Variants in SNTG1 observed in about 807,000 individuals in gnomAD.
SNTG1 encodes the protein syntrophin gamma 1, also known as gamma-1-syntrophin.
A neutral mutation model predicts 74.7 loss-of-function variants in SNTG1; 39 were observed. That is an observed-to-expected ratio of 0.52 (90% CI 0.40 to 0.68). SNTG1 has a LOEUF of 0.68. SNTG1 is among the 30% of genes least tolerant of loss of function. The pLI, the probability that SNTG1 is intolerant of heterozygous loss-of-function variation, is 0.00. For synonymous variants in SNTG1, 254 were observed against 217.1 expected, an observed-to-expected ratio of 1.17 and a Z score of -1.49; for missense variants, 685 against 609.5, an observed-to-expected ratio of 1.12 and a Z score of -1.30.
rs181735339 is a variant in SNTG1, at chr8:50,420,007, A to G, written c.162+17663A>G. ...AAAAAAAACAGGGAAATTGGACTGAAAAAAATAAGAAGTGTCTCAGGGACC... is the reference window on the plus strand; with the variant it reads ...AAAAAAAACAGGGAAATTGGACTGAGAAAAATAAGAAGTGTCTCAGGGACC... On this transcript the variant is annotated intron_variant, in intron 4 of 18. Coordinates refer to ENST00000642720, the MANE Select transcript of SNTG1 (RefSeq NM_018967.5). Among the ~76,000 whole-genome samples the G allele has an allele frequency of 3.4e-3, 513 of 152,248 alleles. 2 individuals carry two copies. Among genetic ancestry groups the G allele is most frequent in the African/African-American group, 0.012 (481 of 41,564 alleles).
chr8:50,766,388 TG>T (rs1291825381), intron 18 of SNTG1, among the ~76,000 whole-genome samples: 1 of 152,020 alleles, frequency 6.6e-6, no homozygotes, highest in Non-Finnish European at 1.5e-5. Context: ...TTTTTTGCCT[TG>T]CTTACTGCTG....
chr8:50,371,090 G>T (rs2092257629), intron 2 of SNTG1, among the ~76,000 whole-genome samples: 3 of 152,228 alleles, frequency 2.0e-5, no homozygotes, highest in Admixed American at 6.5e-5. Context: ...ACCACAGCAT[G>T]GGTCTTTATG....
intron 13 of SNTG1, among the ~76,000 whole-genome samples, chr8:50,615,212 G>A (rs559152088): frequency 4.6e-5 from 7 of 151,980 alleles, no homozygotes; most frequent in African/African-American, 1.7e-4. Context: ...TGCCTGCCTC[G>A]GCCTCCCAAA....
At chr8:50,635,581 C>A (rs1429579634) in intron 13 of SNTG1, among the ~76,000 whole-genome samples, 2 of 152,182 alleles carry the variant, frequency 1.3e-5, no homozygotes, top group African/African-American at 4.8e-5. Context: ...CACCAGAGGC[C>A]CACAGGGAGT....
At chr8:50,358,676 A>G (rs1420721148) in intron 2 of SNTG1, among the ~76,000 whole-genome samples, 1 of 152,198 alleles carries the variant, frequency 6.6e-6, no homozygotes, top group Non-Finnish European at 1.5e-5. Flanking sequence ...TGACTGATGA[A>G]AGTATTAAAA....
chr8:50,559,742 C>G (rs2094476144), intron 12 of SNTG1, among the ~76,000 whole-genome samples: 1 of 152,048 alleles, frequency 6.6e-6, no homozygotes, highest in African/African-American at 2.4e-5. Flanking sequence ...GGATTAAAGA[C>G]CTAAACGTAA....
intron 2 of SNTG1, among the ~76,000 whole-genome samples, chr8:50,337,863 G>A (rs928944177): frequency 1.3e-5 from 2 of 152,198 alleles, no homozygotes; most frequent in East Asian, 1.9e-4. Flanking sequence ...TAGGCCGGGC[G>A]CAGTGGCTCA....
intron 1 of SNTG1, among the ~76,000 whole-genome samples, chr8:50,038,045 G>T (rs755095642): frequency 2.0e-5 from 3 of 152,032 alleles, no homozygotes; most frequent in Non-Finnish European, 2.9e-5. Flanking sequence ...ACTACGATAC[G>T]CTTTCCTAAG....
chr8:50,509,143 A>G (rs891582463), intron 9 of SNTG1, among the ~76,000 whole-genome samples: 8 of 152,230 alleles, frequency 5.3e-5, no homozygotes, highest in Non-Finnish European at 1.2e-4. Context: ...ACATATGGCT[A>G]GCCAGTTCTC....
At chr8:50,612,431 A>G (rs922867624) in intron 13 of SNTG1, among the ~76,000 whole-genome samples, 2 of 152,200 alleles carry the variant, frequency 1.3e-5, no homozygotes, top group Non-Finnish European at 2.9e-5. Flanking sequence ...ATTTCTCTTC[A>G]TAATACATTA....
chr8:50,315,449 C>T (rs80016864), intron 2 of SNTG1, among the ~76,000 whole-genome samples: 8,143 of 149,872 alleles, frequency 0.054, 409 homozygotes, highest in Middle Eastern at 0.12. Context: ...TAAAAAATAA[C>T]TGTATTGATC....
At chr8:50,335,856 TTTTA>T (rs1214579874) in intron 2 of SNTG1, among the ~76,000 whole-genome samples, 6 of 148,550 alleles carry the variant, frequency 4.0e-5, no homozygotes, top group Admixed American at 1.4e-4. Flanking sequence ...TTTTATTTTA[TTTTA>T]TTTATGTTAC....
At chr8:50,164,815 CTTA>C (rs1478240453) in intron 1 of SNTG1, among the ~76,000 whole-genome samples, 2 of 152,130 alleles carry the variant, frequency 1.3e-5, no homozygotes, top group Non-Finnish European at 2.9e-5. Context: ...CTGTTAAATA[CTTA>C]TTATGCTCCT....
chr8:50,526,424 A>C (rs1280870120), intron 9 of SNTG1, among the ~76,000 whole-genome samples: 1 of 152,060 alleles, frequency 6.6e-6, no homozygotes, highest in Non-Finnish European at 1.5e-5. Context: ...CCCATTTTTA[A>C]TGTGGCTGCT....
At chr8:50,359,351 C>G (rs1451402085) in intron 2 of SNTG1, among the ~76,000 whole-genome samples, 1 of 152,186 alleles carries the variant, frequency 6.6e-6, no homozygotes, top group African/African-American at 2.4e-5. Flanking sequence ...TATTTGACAT[C>G]TGAACCAAGG....
At chr8:50,047,129 G>A (rs1334142895) in intron 1 of SNTG1, among the ~76,000 whole-genome samples, 1 of 151,958 alleles carries the variant, frequency 6.6e-6, no homozygotes, top group African/African-American at 2.4e-5. Flanking sequence ...CAGATCACTT[G>A]AGCTCAGGAG....
chr8:50,592,336 C>G (rs144673205), intron 13 of SNTG1, among the ~76,000 whole-genome samples: 154 of 152,244 alleles, frequency 1.0e-3, no homozygotes, highest in African/African-American at 3.4e-3. Context: ...AAGAATGACT[C>G]TAGAGCTGTG....
intron 12 of SNTG1, among the ~76,000 whole-genome samples, chr8:50,580,508 A>G (rs1354409752): frequency 2.0e-5 from 3 of 152,128 alleles, no homozygotes; most frequent in Non-Finnish European, 2.9e-5. Context: ...TCTCATCTTG[A>G]ACTATAGTTC....
rs1053659831 is a variant in SNTG1, at chr8:50,035,579, T to C, written c.-103+123348T>C. 5.3e-5 allele frequency among the ~76,000 whole-genome samples: 8 copies of C among 152,358 alleles called. No homozygotes were observed. The East Asian group carries it at 1.5e-3, about 29-fold the overall frequency. Reference sequence around the variant, plus strand: ...CTCACCTTAGTGTGAAAATGAGGACTGTGCCTTCAGGAAATGTTTCAGTGT... The same window carrying C: ...CTCACCTTAGTGTGAAAATGAGGACCGTGCCTTCAGGAAATGTTTCAGTGT... On this transcript the variant is annotated intron_variant, in intron 1 of 18. Transcript: ENST00000642720.
Sources: gnomAD v4.1 joint callset for allele counts (sites outside exome capture counted in the v4.1 genomes callset) on GRCh38, gnomAD v4.1.1 for gene constraint, MANE v1.5 for transcripts, NCBI Gene and HGNC (gene_info 2026-07-23, HGNC 2026-07-21) for gene names.